ANK1: variants seen among roughly 807,000 people sequenced by gnomAD.
ANK1 encodes ankyrin-1.
ANK1 carries 51 observed loss-of-function variants against 210.4 expected under a neutral mutation model. The ratio of observed to expected loss-of-function variants is 0.24; its 90% CI spans 0.19 to 0.31. The LOEUF (loss-of-function observed/expected upper bound fraction) is 0.31, where lower values mean the gene tolerates loss of function less well. Among genes scored for constraint, ANK1 ranks in the 10% least tolerant of loss-of-function variants. ANK1 has a pLI of 1.00. For missense variants in ANK1, 2,051 were observed against 2,504.4 expected (o/e 0.82, Z 3.86); for synonymous variants, 967 against 1,025.9 (o/e 0.94, Z 1.10).
intron 1 of ANK1, among the ~76,000 whole-genome samples, chr8:41,764,376 G>A (rs1841271987): frequency 6.6e-6 from 1 of 152,100 alleles, no homozygotes. Context: ...AATGCAACAG[G>A]GCAGGAGGCG....
At chr8:41,851,786 G>A (rs1287759189) in intron 1 of ANK1, among the ~76,000 whole-genome samples, 1 of 152,176 alleles carries the variant, frequency 6.6e-6, no homozygotes, top group Non-Finnish European at 1.5e-5. Context: ...GAGCCCAGGA[G>A]GTTGAGGCTG....
At chr8:41,733,027 C>T (rs570265355) in intron 3 of ANK1, among the ~76,000 whole-genome samples, 5 of 152,330 alleles carry the variant, frequency 3.3e-5, no homozygotes, top group African/African-American at 7.2e-5. Context: ...CGTGAGCCAC[C>T]GCGCCCAGTC....
chr8:41,719,871 G>A lies in ANK1; in HGVS notation c.910-13C>T, dbSNP rs201166375. ...GGGACAGGCCGTTCTGGGTAAAGAG[G>A]AAAACACAAGCAATCACAAAGTCTT... On this transcript the variant is annotated splice_polypyrimidine_tract_variant and intron_variant, in intron 9 of 42. Transcript: ENST00000289734. 1.2e-6 allele frequency: 2 copies of A among 1,614,078 alleles called. No homozygotes were observed. Among genetic ancestry groups the A allele is most frequent in the East Asian group, 2.2e-5 (1 of 44,890 alleles).
intron 15 of ANK1, 38 bp downstream of exon 15, chr8:41,714,938 A>T (rs376099810): frequency 7.5e-6 from 12 of 1,598,840 alleles, no homozygotes; most frequent in Non-Finnish European, 1.0e-5. Context: ...CTTGCCTCTA[A>T]CCTGAGAGCT....
chr8:41,785,911 C>G (rs1221674358), intron 1 of ANK1, among the ~76,000 whole-genome samples: 2 of 152,194 alleles, frequency 1.3e-5, no homozygotes, highest in African/African-American at 4.8e-5. Flanking sequence ...TCATGCTTTC[C>G]GCACTGTCGG....
chr8:41,850,407 TCTAA>T (rs1006452539), intron 1 of ANK1, among the ~76,000 whole-genome samples: 1 of 152,252 alleles, frequency 6.6e-6, no homozygotes. Context: ...CAGTAGCAGG[TCTAA>T]CTAACTCACT....
chr8:41,822,093 AG>A (rs1563844628), intron 1 of ANK1, among the ~76,000 whole-genome samples: 8 of 54,932 alleles, frequency 1.5e-4, no homozygotes, highest in African/African-American at 6.4e-4. Context: ...AGAGAGAGAG[AG>A]AGAGAGAGAG....
At chr8:41,673,051 G>T in intron 37 of ANK1, 139 bp from the exon 38 acceptor site, 1 of 932,594 alleles carries the variant, frequency 1.1e-6, no homozygotes, top group Non-Finnish European at 1.6e-6. Flanking sequence ...GTGGGTTGGG[G>T]GCTTTCCAAG....
chr8:41,871,378 GC>G, intron 1 of ANK1, among the ~76,000 whole-genome samples: 1 of 152,150 alleles, frequency 6.6e-6, no homozygotes, highest in East Asian at 1.9e-4. Context: ...CATGATCACA[GC>G]TCACTGCAGC....
intron 42 of ANK1, among the ~76,000 whole-genome samples, chr8:41,658,171 T>C (rs1251020092): frequency 2.0e-5 from 3 of 152,164 alleles, no homozygotes; most frequent in African/African-American, 7.2e-5. Flanking sequence ...TGCCCGGCCC[T>C]AGACAGCCCT....
chr8:41,827,361 A>C (rs1373926910), intron 1 of ANK1, among the ~76,000 whole-genome samples: 1 of 152,240 alleles, frequency 6.6e-6, no homozygotes, highest in Non-Finnish European at 1.5e-5. Context: ...GTAGCTGGCC[A>C]AGATGCACCC....
exon 1 of ANK1, chr8:41,896,699 C>CGCCGCG (rs1339008871): frequency 8.1e-6 from 3 of 372,606 alleles, no homozygotes; most frequent in Non-Finnish European, 1.2e-5. Flanking sequence ...ATGGCGCTGC[C>CGCCGCG]GCCGCGGCCG....
At position 41,655,235 on chromosome 8, in the gene ANK1, G is replaced by A. The variant is rs1805262932; in HGVS notation, c.*555C>T. The stretch of plus-strand genomic sequence containing the variant: ...TCACAAGTGGAATGGAGGTATGTGG[G>A]TTGGGGAGGGTGGGCAGATGAGGAC... On this transcript the variant is annotated 3_prime_UTR_variant, in exon 43 of 43. Transcript: ENST00000289734. The A allele has an allele frequency of 6.4e-6, 1 of 156,918 alleles. No homozygotes were observed. The highest frequency in any genetic ancestry group is 1.4e-5 in the Non-Finnish European group (1 of 71,974). The allele number at this position is 156,918 out of a possible 1,614,324, so 9.7% of individuals were successfully genotyped here.
chr8:41,668,386 C>T lies in ANK1; in HGVS notation c.5275G>A (p.Glu1759Lys), dbSNP rs750526984. The change falls in exon 39 of 43, where the codon GAG becomes AAG. Residue 1759 changes from glutamate (E) to lysine (K), a missense_variant. Physicochemically the swap from Glu to Lys is moderately conservative, Grantham distance 56. Coordinates refer to ENST00000289734, the MANE Select transcript of ANK1 (RefSeq NM_000037.4). ...TCGGGCTGTTCTGTCCACGTGTGCT[C>T]ACTTACAGACACCAGGACCTTCTCG... is the stretch of plus-strand genomic sequence containing the variant. ...EYEKVLVSVS[E>K]HTWTEQPEAE... 1 of 1,614,236 alleles carries T rather than the reference C, an allele frequency of 6.2e-7. No homozygotes were observed. Among genetic ancestry groups the T allele is most frequent in the Admixed American group, 1.7e-5 (1 of 60,032 alleles).
Position 41,714,992 on chromosome 8 carries a change from G to A in ANK1, c.1685C>T (p.Pro562Leu), listed in dbSNP as rs767693050. The A allele has an allele frequency of 2.0e-5, 32 of 1,613,982 alleles. 1 individual carries two copies. The South Asian group carries it at 2.3e-4, about 12-fold the overall frequency. Residue 562 changes from proline (P) to leucine (L), a missense_variant, in exon 15 of 43, where the codon CCG becomes CTG. Physicochemically the swap from Pro to Leu is moderately conservative, Grantham distance 98. Transcript: ENST00000289734. Reference sequence around the variant, plus strand: ...CAAACTCACTTTTCCGGCAGCATTCGGGTGTGCGTCCCGCTCCAGCAGCAG... The same window carrying A: ...CAAACTCACTTTTCCGGCAGCATTCAGGTGTGCGTCCCGCTCCAGCAGCAG... The part of the protein sequence containing the change: ...AELLLERDAH[P>L]NAAGKNGLTP...
intron 1 of ANK1, among the ~76,000 whole-genome samples, chr8:41,810,035 C>T (rs930573019): frequency 2.6e-5 from 4 of 152,174 alleles, no homozygotes; most frequent in African/African-American, 9.7e-5. Context: ...GGAGGGGGGA[C>T]AGGGAGAGAG....
At chr8:41,737,109 G>A (rs1833632207) in intron 2 of ANK1, among the ~76,000 whole-genome samples, 1 of 152,282 alleles carries the variant, frequency 6.6e-6, no homozygotes, top group African/African-American at 2.4e-5. Flanking sequence ...GACCAGCCGG[G>A]ACAGCATGGA....
chr8:41,786,664 CAG>C lies in ANK1; in HGVS notation c.27+10846_27+10847del, dbSNP rs373117683. On this transcript the variant is annotated intron_variant, in intron 1 of 42. Coordinates refer to ENST00000289734, the MANE Select transcript of ANK1 (RefSeq NM_000037.4). ...CTAATCCCAGCCCAGCACTCACCAC[CAG>C]GCCCCTTTGTGGTGGTCGGTGCCAC... Among the ~76,000 whole-genome samples, 21 of 152,326 alleles carry C rather than the reference CAG, an allele frequency of 1.4e-4. No homozygotes were observed. In the East Asian group the frequency reaches 3.7e-3, roughly 27 times the overall value.
chr8:41,745,425 G>A (rs1250961361), intron 2 of ANK1, among the ~76,000 whole-genome samples: 9 of 152,232 alleles, frequency 5.9e-5, no homozygotes, highest in Admixed American at 3.3e-4. Context: ...GACAGGAAGT[G>A]TAGAAGAACG....
Sources: gnomAD v4.1 joint callset for allele counts (sites outside exome capture counted in the v4.1 genomes callset) on GRCh38, gnomAD v4.1.1 for gene constraint, MANE v1.5 for transcripts, NCBI Gene and HGNC (gene_info 2026-07-23, HGNC 2026-07-21) for gene names.